The following DNAH3 variants were observed in gnomAD, a reference collection of about 807,000 sequenced individuals.
DNAH3 encodes axonemal beta dynein heavy chain 3.
DNAH3 carries 332 observed loss-of-function variants against 432.5 expected under a neutral mutation model. That is an observed-to-expected ratio of 0.77 (90% CI 0.70 to 0.84). DNAH3 has a LOEUF of 0.84. Among genes scored for constraint, DNAH3 ranks in the 40% least tolerant of loss-of-function variants. DNAH3 has a pLI of 0.00. For synonymous variants in DNAH3, 1,956 were observed against 1,900.2 expected (o/e 1.03, Z -0.76); for missense variants, 4,861 against 5,114.0 (o/e 0.95, Z 1.51).
chr16:21,020,367 T>TATATATATATATATATATATAA (rs2088117119), intron 40 of DNAH3, among the ~76,000 whole-genome samples: 8 of 81,524 alleles, frequency 9.8e-5, no homozygotes, highest in Non-Finnish European at 1.8e-4. Flanking sequence ...TATATATATA[T>TATATATATATATATATATATAA]AAAATCACTA....
chr16:20,978,632 C>T (rs569063525), intron 50 of DNAH3, among the ~76,000 whole-genome samples: 152 of 152,304 alleles, frequency 1.0e-3, no homozygotes, highest in African/African-American at 3.2e-3. Context: ...CTCCTGGGCT[C>T]AAGTGATCCT....
intron 52 of DNAH3, among the ~76,000 whole-genome samples, chr16:20,968,881 G>A (rs2085184623): frequency 6.7e-6 from 1 of 149,664 alleles, no homozygotes; most frequent in South Asian, 2.1e-4. Flanking sequence ...TTCCCACTCT[G>A]TCTCTCTGTT....
At chr16:21,019,912 C>T (rs2088071761) in intron 40 of DNAH3, 43 bp from the exon 41 acceptor site, 2 of 1,601,974 alleles carry the variant, frequency 1.2e-6, no homozygotes, top group South Asian at 2.3e-5. Flanking sequence ...GTGCAGAATG[C>T]CACAGATGTA....
At chr16:20,960,875 C>T (rs368923619) in intron 53 of DNAH3, among the ~76,000 whole-genome samples, 15 of 152,202 alleles carry the variant, frequency 9.9e-5, no homozygotes, top group Admixed American at 2.6e-4. Context: ...TGTGAGTTCA[C>T]GGTACTCTCT....
intron 1 of DNAH3, among the ~76,000 whole-genome samples, chr16:21,147,621 T>A (rs1188853561): frequency 6.6e-6 from 1 of 152,220 alleles, no homozygotes; most frequent in African/African-American, 2.4e-5. Flanking sequence ...TCTTTATGAT[T>A]CCTGCGAAAA....
intron 31 of DNAH3, among the ~76,000 whole-genome samples, chr16:21,042,941 G>A (rs1009637599): frequency 6.6e-6 from 1 of 152,028 alleles, no homozygotes; most frequent in Non-Finnish European, 1.5e-5. Flanking sequence ...TTGTTCTTGC[G>A]ATAGTTTACT....
At chr16:21,051,977 CTATT>C (rs1567705084) in intron 28 of DNAH3, 109 bp from the exon 29 acceptor site, 2 of 816,308 alleles carry the variant, frequency 2.5e-6, no homozygotes, top group Non-Finnish European at 3.9e-6. Flanking sequence ...ATTCTCCAAA[CTATT>C]TTATTTTATT....
At chr16:21,093,860 T>A (rs1278973459) in intron 18 of DNAH3, among the ~76,000 whole-genome samples, 7 of 152,164 alleles carry the variant, frequency 4.6e-5, no homozygotes, top group Non-Finnish European at 4.4e-5. Context: ...TGGACATTTA[T>A]ATGTAAGACA....
intron 21 of DNAH3, among the ~76,000 whole-genome samples, chr16:21,071,758 C>T (rs2090792390): frequency 6.6e-6 from 1 of 152,002 alleles, no homozygotes; most frequent in Non-Finnish European, 1.5e-5. Context: ...TTATTGTCCA[C>T]CTCCTTTGCA....
chr16:21,070,345 C>T lies in DNAH3; in HGVS notation c.3201+365G>A, dbSNP rs553687068. Among the ~76,000 whole-genome samples, 9 of 152,146 alleles carry T rather than the reference C, an allele frequency of 5.9e-5. No homozygotes were observed. The South Asian group carries it at 1.5e-3, about 25-fold the overall frequency. On this transcript the variant is annotated intron_variant, in intron 22 of 61. Coordinates refer to ENST00000261383, the Ensembl canonical transcript of DNAH3. The stretch of plus-strand genomic sequence containing the variant: ...TCGCCCAGGCTGGAGTGCAATGGCG[C>T]GATCTCGGCTCACTGCAACCTCTGC...
chr16:21,060,514 C>CTTTTTTTTTTTTTTTTTTTTTTTT (rs369321873), intron 25 of DNAH3, among the ~76,000 whole-genome samples, 158 bp from the exon 26 acceptor site: 1 of 127,280 alleles, frequency 7.9e-6, no homozygotes. Flanking sequence ...TTCTTTTTTT[C>CTTTTTTTTTTTTTTTTTTTTTTTT]TTTTTTTTTT....
In DNAH3 at chr16:21,140,691, T is replaced by C. The variant is rs772153851; in HGVS notation, c.541A>G (p.Thr181Ala). The change falls in exon 5 of 62, where the codon ACG (threonine) becomes GCG (alanine). Residue 181 changes from threonine (T) to alanine (A), a missense_variant. Coordinates refer to ENST00000261383, the Ensembl canonical transcript of DNAH3. ...TTCTTCATGGGTGAGAAGATTGACGTCTTGAAGGCCAACTTGATCCTGAAA... is the reference window on the plus strand; with the variant it reads ...TTCTTCATGGGTGAGAAGATTGACGCCTTGAAGGCCAACTTGATCCTGAAA... 4 of 1,614,062 alleles carry C rather than the reference T, an allele frequency of 2.5e-6. No homozygotes were observed. The South Asian group carries it at 3.3e-5, about 13-fold the overall frequency.
At chr16:20,953,027 T>C (rs911777448) in intron 55 of DNAH3, among the ~76,000 whole-genome samples, 28 of 152,134 alleles carry the variant, frequency 1.8e-4, no homozygotes, top group African/African-American at 5.3e-4. Context: ...TAAATGCCCA[T>C]TGGGGGCTGA....
At chr16:21,058,993 T>A (rs902526431) in intron 26 of DNAH3, among the ~76,000 whole-genome samples, 4 of 151,756 alleles carry the variant, frequency 2.6e-5, no homozygotes, top group Non-Finnish European at 5.9e-5. Context: ...ATCCCAGAAC[T>A]TAAAGTAAAA....
At chr16:21,121,913 C>G in intron 10 of DNAH3, 32 bp downstream of exon 11, 1 of 1,553,034 alleles carries the variant, frequency 6.4e-7, no homozygotes, top group East Asian at 2.3e-5. Flanking sequence ...GTGAAAAAAT[C>G]ATGCAAATGA....
At chr16:21,083,392 G>T (rs1369585008) in intron 19 of DNAH3, among the ~76,000 whole-genome samples, 1 of 152,098 alleles carries the variant, frequency 6.6e-6, no homozygotes, top group African/African-American at 2.4e-5. Context: ...TTGAAATAAC[G>T]GTCTTGGAAG....
rs777594434 is a variant in DNAH3, at chr16:21,111,810, G to C, written c.1921-6C>G. On this transcript the variant is annotated splice_region_variant and splice_polypyrimidine_tract_variant and intron_variant, in intron 13 of 61. Coordinates refer to ENST00000261383, the Ensembl canonical transcript of DNAH3. ...TTCTTTATGGCATTGATCTTCTGCA[G>C]AAAGGAGCACATTCAGTAGCTTGAT... 6.2e-7 allele frequency: 1 copy of C among 1,611,596 alleles called. No individual in the cohort carries two copies.
exon 13 of DNAH3, chr16:21,112,024 T>G: frequency 6.2e-7 from 1 of 1,613,880 alleles, no homozygotes; most frequent in Non-Finnish European, 8.5e-7. Flanking sequence ...ATGATTTTCT[T>G]TCAGGAACGC....
intron 1 of DNAH3, among the ~76,000 whole-genome samples, chr16:21,156,939 G>T (rs1052368609): frequency 6.7e-6 from 1 of 150,338 alleles, no homozygotes. Context: ...CCCTAACTCA[G>T]CTTTCCAAAG....
Sources: allele counts gnomAD v4.1 joint callset (sites outside exome capture counted in the v4.1 genomes callset), GRCh38; gene constraint gnomAD v4.1.1; transcripts MANE v1.5; gene names NCBI Gene and HGNC (gene_info 2026-07-23, HGNC 2026-07-21).